Variants in JAK2 observed in about 807,000 individuals in gnomAD.
JAK2 encodes the protein Janus kinase 2, also known as tyrosine-protein kinase JAK2.
In JAK2, 86 loss-of-function variants were observed where a neutral mutation model predicts 139.3. That is an observed-to-expected ratio of 0.62 (90% CI 0.52 to 0.74). JAK2 has a LOEUF of 0.74. Ranked by LOEUF, JAK2 falls within the 30% of genes least tolerant of loss-of-function variation. JAK2 has a pLI of 0.00. For synonymous variants in JAK2, 490 were observed against 437.7 expected, an observed-to-expected ratio of 1.12 and a Z score of -1.49; for missense variants, 1,421 against 1,360.3, an observed-to-expected ratio of 1.04 and a Z score of -0.70.
chr9:5,033,105 G>A (rs1277589241), intron 4 of JAK2, among the ~76,000 whole-genome samples: 1 of 152,216 alleles, frequency 6.6e-6, no homozygotes, highest in Non-Finnish European at 1.5e-5. Flanking sequence ...GAATGCACAA[G>A]CCTCAGTAGC....
chr9:5,012,137 A>G (rs1375479259), intron 2 of JAK2, among the ~76,000 whole-genome samples: 1 of 152,052 alleles, frequency 6.6e-6, no homozygotes, highest in African/African-American at 2.4e-5. Flanking sequence ...AGCAGCTCCA[A>G]ACTTCATTCT....
chr9:5,055,900 T>C (rs1817731934), intron 8 of JAK2, 112 bp downstream of exon 8: 2 of 929,148 alleles, frequency 2.2e-6, no homozygotes, highest in African/African-American at 1.7e-5. Flanking sequence ...ATTGTAGTTT[T>C]AAATATAACT....
At chr9:5,070,156 A>G in intron 12 of JAK2, 104 bp downstream of exon 12, 1 of 702,938 alleles carries the variant, frequency 1.4e-6, no homozygotes, top group Non-Finnish European at 2.1e-6. Flanking sequence ...GTTATATACA[A>G]ATTTAGTTGT....
At chr9:5,099,777 C>G (rs1238298547) in intron 22 of JAK2, 2 of 152,138 alleles carry the variant, frequency 1.3e-5, no homozygotes, top group Non-Finnish European at 2.9e-5. Flanking sequence ...TAATAATATC[C>G]CTAATTATCT....
rs1372366676 is a variant in JAK2 at position 5,069,995 on chromosome 9, G to T, written c.1584G>T (p.Arg528Ser). 3.1e-6 allele frequency: 5 copies of T among 1,608,150 alleles called. No individual in the cohort carries two copies. The South Asian group carries it at 3.3e-5, about 11-fold the overall frequency. ...TACCAACCTCACCAACATTACAGAG[G>T]CCTACTCATATGAACCAAATGGTGT... ...SDVPTSPTLQ[R>S]PTHMNQMVFH... The change falls in exon 12 of 25, where the codon AGG (arginine) becomes AGT (serine). Residue 528 changes from arginine to serine, a missense_variant. Arg to Ser is a moderately radical substitution (Grantham distance 110, BLOSUM62 -1). Transcript: ENST00000381652.
intron 4 of JAK2, chr9:5,041,168 C>T (rs1460433165): frequency 4.0e-6 from 5 of 1,250,432 alleles, no homozygotes; most frequent in Non-Finnish European, 3.4e-6. Flanking sequence ...GGATTATGTG[C>T]ACACCAAGAA....
At chr9:5,042,734 G>A (rs1586691145) in intron 4 of JAK2, among the ~76,000 whole-genome samples, 1 of 152,324 alleles carries the variant, frequency 6.6e-6, no homozygotes, top group East Asian at 1.9e-4. Flanking sequence ...CCACCTGGGA[G>A]GGACACAGGC....
chr9:5,058,640 A>ATTTTACATTCC (rs1817938731), intron 8 of JAK2, among the ~76,000 whole-genome samples: 1 of 152,236 alleles, frequency 6.6e-6, no homozygotes, highest in South Asian at 2.1e-4. Context: ...GCTGTTTTCC[A>ATTTTACATTCC]TAGCAGCGGC....
intron 5 of JAK2, 24 bp from the exon 6 acceptor site, chr9:5,050,662 T>G: frequency 6.2e-7 from 1 of 1,602,140 alleles, no homozygotes; most frequent in Admixed American, 1.7e-5. Context: ...CGATGAGATA[T>G]TTCCTTCAAA....
chr9:5,050,956 A>G, intron 6 of JAK2, 125 bp downstream of exon 6: 1 of 795,486 alleles, frequency 1.3e-6, no homozygotes, highest in Non-Finnish European at 2.0e-6. Context: ...CCTTATCTAA[A>G]ATGCTTGGAA....
intron 4 of JAK2, among the ~76,000 whole-genome samples, chr9:5,042,189 C>A (rs1202169950): frequency 6.9e-6 from 1 of 144,510 alleles, no homozygotes; most frequent in Non-Finnish European, 1.5e-5. Flanking sequence ...GGACTGCGGA[C>A]TGCAGTGGCG....
At chr9:5,068,742 G>A (rs1818741760) in intron 10 of JAK2, among the ~76,000 whole-genome samples, 1 of 152,184 alleles carries the variant, frequency 6.6e-6, no homozygotes, top group Non-Finnish European at 1.5e-5. Context: ...TCTTATAAAT[G>A]ATGGAAAACT....
chr9:5,113,260 T>A (rs1822805186), intron 22 of JAK2, among the ~76,000 whole-genome samples: 1 of 144,690 alleles, frequency 6.9e-6, no homozygotes, highest in Non-Finnish European at 1.5e-5. Flanking sequence ...AAACATACAC[T>A]TTGTCAGAAA....
intron 8 of JAK2, among the ~76,000 whole-genome samples, chr9:5,062,500 TAAA>T (rs58424625): frequency 5.2e-4 from 30 of 58,224 alleles, no homozygotes; most frequent in African/African-American, 1.5e-3. Flanking sequence ...CTTCCATTTG[TAAA>T]AAAAAAAAAA....
At chr9:5,048,298 C>T (rs1052361989) in intron 5 of JAK2, among the ~76,000 whole-genome samples, 10 of 151,942 alleles carry the variant, frequency 6.6e-5, no homozygotes, top group Non-Finnish European at 1.2e-4. Flanking sequence ...CCTGCCACTA[C>T]GCCCGGCTAA....
At chr9:5,090,693 GTTTATA>G (rs753209019) in intron 21 of JAK2, 40 bp from the exon 22 acceptor site, 12 of 1,548,484 alleles carry the variant, frequency 7.7e-6, no homozygotes, top group African/African-American at 1.4e-5. Flanking sequence ...CATTTAAATT[GTTTATA>G]TTTATAAAAC....
intron 4 of JAK2, among the ~76,000 whole-genome samples, chr9:5,032,317 T>TG (rs1010226204): frequency 7.9e-5 from 12 of 152,308 alleles, no homozygotes; most frequent in African/African-American, 2.9e-4. Flanking sequence ...ACTCCACCTC[T>TG]GGGGGCAGGG....
At chr9:5,001,973 A>G (rs1214909184) in intron 2 of JAK2, among the ~76,000 whole-genome samples, 1 of 151,934 alleles carries the variant, frequency 6.6e-6, no homozygotes, top group Non-Finnish European at 1.5e-5. Flanking sequence ...AGTTGCTCCT[A>G]TCTTTTTATA....
chr9:5,078,086 A>C (rs1488667576), intron 15 of JAK2, among the ~76,000 whole-genome samples: 1 of 152,202 alleles, frequency 6.6e-6, no homozygotes, highest in Non-Finnish European at 1.5e-5. Flanking sequence ...TGGTAGTTTT[A>C]ATTTATTCAT....
Sources: allele counts gnomAD v4.1 joint callset (sites outside exome capture counted in the v4.1 genomes callset), GRCh38; gene constraint gnomAD v4.1.1; transcripts MANE v1.5; gene names NCBI Gene and HGNC (gene_info 2026-07-23, HGNC 2026-07-21).